Variants in ALCAM observed in about 807,000 individuals in gnomAD.
ALCAM encodes activated leukocyte cell adhesion molecule.
A neutral mutation model predicts 70.9 loss-of-function variants in ALCAM; 30 were observed. The observed-to-expected ratio is 0.42, with a 90% CI of 0.32 to 0.57. The LOEUF (loss-of-function observed/expected upper bound fraction) is 0.57, where lower values mean the gene tolerates loss of function less well. Among genes scored for constraint, ALCAM ranks in the 20% least tolerant of loss-of-function variants. The pLI, the probability that ALCAM is intolerant of heterozygous loss-of-function variation, is 0.11. For missense variants in ALCAM, 591 were observed against 695.1 expected, an observed-to-expected ratio of 0.85 and a Z score of 1.68; for synonymous variants, 249 against 242.5, an observed-to-expected ratio of 1.03 and a Z score of -0.25.
At chr3:105,447,341 G>T (rs1445872779) in intron 1 of ALCAM, among the ~76,000 whole-genome samples, 1 of 152,178 alleles carries the variant, frequency 6.6e-6, no homozygotes, top group Non-Finnish European at 1.5e-5. Context: ...TACTTTTAGT[G>T]CAGGAGTAAA....
intron 1 of ALCAM, among the ~76,000 whole-genome samples, chr3:105,404,712 C>T (rs183280239): frequency 1.7e-4 from 26 of 150,122 alleles, no homozygotes; most frequent in East Asian, 7.8e-4. Context: ...AAAAATAGCA[C>T]GATGAATAGA....
chr3:105,523,155 A>G (rs1233947902), intron 2 of ALCAM, among the ~76,000 whole-genome samples: 1 of 149,706 alleles, frequency 6.7e-6, no homozygotes, highest in Non-Finnish European at 1.5e-5. Context: ...AAAAAAAAAA[A>G]AAAAAAAAAA....
chr3:105,432,184 A>G (rs1936951566), intron 1 of ALCAM, among the ~76,000 whole-genome samples: 1 of 152,204 alleles, frequency 6.6e-6, no homozygotes, highest in South Asian at 2.1e-4. Flanking sequence ...GACAATTGCA[A>G]AATATACAAC....
intron 1 of ALCAM, among the ~76,000 whole-genome samples, chr3:105,400,350 A>G (rs1423904532): frequency 1.3e-5 from 2 of 152,178 alleles, no homozygotes; most frequent in African/African-American, 2.4e-5. Flanking sequence ...TATGTCATTT[A>G]ACTTATAAAT....
chr3:105,387,908 A>T (rs906528849), intron 1 of ALCAM, among the ~76,000 whole-genome samples: 2 of 151,592 alleles, frequency 1.3e-5, no homozygotes, highest in Non-Finnish European at 3.0e-5. Flanking sequence ...CTGCCAAATA[A>T]AAATAATATT....
intron 1 of ALCAM, among the ~76,000 whole-genome samples, chr3:105,430,069 A>G (rs1055682720): frequency 1.3e-4 from 20 of 152,128 alleles, no homozygotes; most frequent in African/African-American, 4.3e-4. Flanking sequence ...CACACAATAT[A>G]TCAACACATT....
At chr3:105,444,243 C>G (rs1190413097) in intron 1 of ALCAM, among the ~76,000 whole-genome samples, 1 of 152,124 alleles carries the variant, frequency 6.6e-6, no homozygotes, top group African/African-American at 2.4e-5. Context: ...GGTAATTTAT[C>G]AAGGGAAGAG....
At chr3:105,420,877 G>A (rs1304706186) in intron 1 of ALCAM, among the ~76,000 whole-genome samples, 1 of 151,494 alleles carries the variant, frequency 6.6e-6, no homozygotes, top group Non-Finnish European at 1.5e-5. Context: ...TTACTGAAGA[G>A]AGGAAAGTAA....
intron 6 of ALCAM, among the ~76,000 whole-genome samples, chr3:105,537,948 T>C (rs1214177159): frequency 1.3e-5 from 2 of 152,082 alleles, no homozygotes; most frequent in Non-Finnish European, 2.9e-5. Context: ...CAGTTTTGGT[T>C]ATTTTGTAGG....
At chr3:105,445,722 C>G (rs189703537) in intron 1 of ALCAM, among the ~76,000 whole-genome samples, 7 of 152,216 alleles carry the variant, frequency 4.6e-5, no homozygotes, top group Admixed American at 4.6e-4. Flanking sequence ...CAAGTATACA[C>G]GTGAAGAAAG....
chr3:105,492,289 G>A (rs1938610179), intron 1 of ALCAM, among the ~76,000 whole-genome samples: 1 of 152,286 alleles, frequency 6.6e-6, no homozygotes, highest in East Asian at 1.9e-4. Flanking sequence ...AACACATGGA[G>A]ATTATGGTAA....
intron 1 of ALCAM, among the ~76,000 whole-genome samples, chr3:105,384,717 A>G (rs1465965500): frequency 6.6e-6 from 1 of 151,620 alleles, no homozygotes; most frequent in Non-Finnish European, 1.5e-5. Flanking sequence ...CATGTAAAAT[A>G]GTACTTTACG....
At chr3:105,440,178 C>A (rs936891193) in intron 1 of ALCAM, among the ~76,000 whole-genome samples, 3 of 152,032 alleles carry the variant, frequency 2.0e-5, no homozygotes, top group Admixed American at 2.0e-4. Flanking sequence ...AGAGAAAGCA[C>A]CTTGGGGAAG....
At chr3:105,528,458 A>C (rs1298408328) in intron 3 of ALCAM, among the ~76,000 whole-genome samples, 1 of 152,180 alleles carries the variant, frequency 6.6e-6, no homozygotes, top group Non-Finnish European at 1.5e-5. Flanking sequence ...ATAAAACAAA[A>C]AGAAAAGTAG....
rs925061999 is a variant in ALCAM, at chr3:105,528,399, C to A, written c.395-3603C>A. Among the ~76,000 whole-genome samples the A allele has an allele frequency of 2.0e-5, 3 of 152,240 alleles. No individual in the cohort carries two copies. In the East Asian group the frequency reaches 5.8e-4, roughly 29 times the overall value. On this transcript the variant is annotated intron_variant, in intron 3 of 15. Coordinates refer to ENST00000306107, the MANE Select transcript of ALCAM (RefSeq NM_001627.4). ...TTTCTGACCACTCCCCAGCCCCTTA[C>A]CACAATTTCTTCTCCAGCTATAAAA...
At chr3:105,566,267 G>A (rs1482339922) in intron 14 of ALCAM, among the ~76,000 whole-genome samples, 1 of 152,076 alleles carries the variant, frequency 6.6e-6, no homozygotes, top group Non-Finnish European at 1.5e-5. Flanking sequence ...TTAAATGTTG[G>A]TACAATTGTC....
At chr3:105,407,655 G>A (rs1430353399) in intron 1 of ALCAM, among the ~76,000 whole-genome samples, 1 of 152,088 alleles carries the variant, frequency 6.6e-6, no homozygotes, top group Non-Finnish European at 1.5e-5. Flanking sequence ...CCAGATAACT[G>A]GAACAAGATA....
At chr3:105,385,124 A>C (rs1935617893) in intron 1 of ALCAM, among the ~76,000 whole-genome samples, 1 of 151,640 alleles carries the variant, frequency 6.6e-6, no homozygotes, top group Non-Finnish European at 1.5e-5. Flanking sequence ...GTTGTCACCC[A>C]ACAAAATAAT....
At chr3:105,422,926 T>C (rs1372208965) in intron 1 of ALCAM, among the ~76,000 whole-genome samples, 1 of 151,500 alleles carries the variant, frequency 6.6e-6, no homozygotes, top group Non-Finnish European at 1.5e-5. Flanking sequence ...TCAGTTGTAC[T>C]AGTTCGGCCT....
Sources: gnomAD v4.1 joint callset for allele counts (sites outside exome capture counted in the v4.1 genomes callset) on GRCh38, gnomAD v4.1.1 for gene constraint, MANE v1.5 for transcripts, NCBI Gene and HGNC (gene_info 2026-07-23, HGNC 2026-07-21) for gene names.